The following KIAA1328 variants were observed in gnomAD, a reference collection of about 807,000 sequenced individuals.
KIAA1328 encodes protein hinderin.
A neutral mutation model predicts 68.1 loss-of-function variants in KIAA1328; 52 were observed. The observed-to-expected ratio is 0.76, with a 90% CI of 0.61 to 0.96. The LOEUF is 0.96. Ranked by LOEUF, KIAA1328 falls within the 40% of genes least tolerant of loss-of-function variation. The pLI is 0.00. For synonymous variants in KIAA1328, 232 were observed against 239.4 expected (o/e 0.97, Z 0.28); for missense variants, 641 against 677.6 (o/e 0.95, Z 0.60).
intron 7 of KIAA1328, among the ~76,000 whole-genome samples, chr18:37,100,080 G>A (rs930739632): frequency 6.6e-6 from 1 of 152,058 alleles, no homozygotes; most frequent in African/African-American, 2.4e-5. Context: ...CCAGTCTACA[G>A]CTCCCAGCAT....
At chr18:36,965,519 G>GCATGT (rs1556840857) in intron 6 of KIAA1328, among the ~76,000 whole-genome samples, 1 of 142,602 alleles carries the variant, frequency 7.0e-6, no homozygotes. Context: ...CAGGCGTGGT[G>GCATGT]GCCACCACGC....
At chr18:36,902,529 T>C (rs990147907) in intron 5 of KIAA1328, among the ~76,000 whole-genome samples, 2 of 152,140 alleles carry the variant, frequency 1.3e-5, no homozygotes, top group Admixed American at 6.6e-5. Context: ...GCTATGCCAC[T>C]GGTTTTCAAT....
intron 9 of KIAA1328, among the ~76,000 whole-genome samples, chr18:37,198,427 T>C (rs1403297692): frequency 1.3e-5 from 2 of 152,214 alleles, no homozygotes; most frequent in African/African-American, 4.8e-5. Context: ...ATAAGGACTA[T>C]AAAAAATCTA....
At position 37,092,333 on chromosome 18, in the gene KIAA1328, C is replaced by T. The variant is rs901487554; in HGVS notation, c.1232+24788C>T. Among the ~76,000 whole-genome samples the T allele has an allele frequency of 1.4e-4, 21 of 152,172 alleles. No individual in the cohort carries two copies. The South Asian group carries it at 4.4e-3, about 32-fold the overall frequency. On this transcript the variant is annotated intron_variant, in intron 7 of 9. Transcript: ENST00000280020. ...AGACCCACCCCATCTACCACCGTTG[C>T]CAGAGGCACTCTAGCATACCATTTG...
chr18:36,992,105 G>A (rs2053202184), intron 6 of KIAA1328, among the ~76,000 whole-genome samples: 1 of 152,082 alleles, frequency 6.6e-6, no homozygotes, highest in African/African-American at 2.4e-5. Flanking sequence ...TTTCTTTTTA[G>A]TAATTTGTCT....
chr18:37,198,260 T>C (rs2060040477), intron 9 of KIAA1328, among the ~76,000 whole-genome samples: 1 of 152,112 alleles, frequency 6.6e-6, no homozygotes, highest in African/African-American at 2.4e-5. Flanking sequence ...TAGATTATGG[T>C]GATAGTTGCA....
intron 6 of KIAA1328, among the ~76,000 whole-genome samples, chr18:36,960,819 A>T (rs9967169): frequency 2.0e-5 from 3 of 152,198 alleles, no homozygotes; most frequent in Non-Finnish European, 2.9e-5. Context: ...GGTCACCAAC[A>T]TCAAAGACCA....
intron 8 of KIAA1328, among the ~76,000 whole-genome samples, chr18:37,166,941 C>T (rs115491749): frequency 6.6e-6 from 1 of 152,296 alleles, no homozygotes; most frequent in African/African-American, 2.4e-5. Flanking sequence ...AACCTCCCAA[C>T]AAAACAAGCC....
chr18:37,173,010 T>A lies in KIAA1328; in HGVS notation c.1452T>A (p.Ser484=), dbSNP rs1342164309. ...VTGVRKDAST[S]PMPTGSLKDF... ...GAGTTAGAAAAGATGCGTCTACATC[T>A]CCTATGCCAACAGGAAGCCTAAAGG... is the stretch of plus-strand genomic sequence containing the variant. The change falls in exon 9 of 10, where the codon TCT becomes TCA. Residue 484 remains serine (S), a synonymous_variant. Transcript: ENST00000280020. The A allele has an allele frequency of 6.2e-7, 1 of 1,613,644 alleles. No homozygotes were observed. Among genetic ancestry groups the A allele is most frequent in the Admixed American group, 1.7e-5 (1 of 60,002 alleles).
chr18:36,860,657 T>G (rs770867050), intron 4 of KIAA1328, among the ~76,000 whole-genome samples: 1 of 152,212 alleles, frequency 6.6e-6, no homozygotes, highest in Non-Finnish European at 1.5e-5. Context: ...TACATGTATA[T>G]TTAAATTTTA....
chr18:37,188,767 A>G lies in KIAA1328; in HGVS notation c.1523+15686A>G, dbSNP rs16968620. Among the ~76,000 whole-genome samples the G allele has an allele frequency of 5.4e-3, 825 of 152,338 alleles. 8 individuals carry two copies. Among genetic ancestry groups the G allele is most frequent in the African/African-American group, 0.019 (792 of 41,578 alleles). ...AACAGCAAAATGTTTCTACTGCTGT[A>G]TCAATGTTAGGTCACATGGCATTGA... On this transcript the variant is annotated intron_variant, in intron 9 of 9. Coordinates refer to ENST00000280020, the MANE Select transcript of KIAA1328 (RefSeq NM_020776.3).
chr18:37,197,546 G>A (rs1011558089), intron 9 of KIAA1328, among the ~76,000 whole-genome samples: 1 of 152,122 alleles, frequency 6.6e-6, no homozygotes, highest in Admixed American at 6.5e-5. Flanking sequence ...GGAATGTTGT[G>A]TACTTTGGAA....
At chr18:36,978,142 G>A (rs1568243601) in intron 6 of KIAA1328, among the ~76,000 whole-genome samples, 1 of 152,166 alleles carries the variant, frequency 6.6e-6, no homozygotes, top group Non-Finnish European at 1.5e-5. Flanking sequence ...AAAAGCCCAT[G>A]CAATCTTATA....
chr18:37,054,999 A>C (rs1005270590), intron 6 of KIAA1328, among the ~76,000 whole-genome samples: 18 of 152,218 alleles, frequency 1.2e-4, no homozygotes, highest in Non-Finnish European at 2.2e-4. Flanking sequence ...AAATTCCATA[A>C]TTATTGACTT....
At chr18:37,016,451 G>T (rs990914575) in intron 6 of KIAA1328, among the ~76,000 whole-genome samples, 1 of 152,002 alleles carries the variant, frequency 6.6e-6, no homozygotes, top group Non-Finnish European at 1.5e-5. Context: ...CATTGTATCT[G>T]TATCAGATTC....
chr18:37,110,848 A>G (rs2057910778), intron 7 of KIAA1328, among the ~76,000 whole-genome samples: 2 of 152,352 alleles, frequency 1.3e-5, no homozygotes, highest in African/African-American at 4.8e-5. Context: ...TTGCAATTAC[A>G]TATGAAAGAG....
At chr18:36,845,351 T>A (rs1396466515) in intron 4 of KIAA1328, among the ~76,000 whole-genome samples, 1 of 151,750 alleles carries the variant, frequency 6.6e-6, no homozygotes, top group Non-Finnish European at 1.5e-5. Flanking sequence ...AAGGTGATGT[T>A]CTTGTGAGGC....
chr18:37,171,924 AAC>A (rs1415214510), intron 8 of KIAA1328, among the ~76,000 whole-genome samples: 2 of 152,184 alleles, frequency 1.3e-5, no homozygotes, highest in Non-Finnish European at 2.9e-5. Flanking sequence ...CAAACGAACA[AAC>A]AGAGTAGAGA....
intron 7 of KIAA1328, among the ~76,000 whole-genome samples, chr18:37,144,587 A>G (rs2058852218): frequency 6.6e-6 from 1 of 152,022 alleles, no homozygotes; most frequent in South Asian, 2.1e-4. Flanking sequence ...CCCAGAATGG[A>G]GTTCAGTGGT....
Sources: gnomAD v4.1 joint callset for allele counts (sites outside exome capture counted in the v4.1 genomes callset) on GRCh38, gnomAD v4.1.1 for gene constraint, MANE v1.5 for transcripts, NCBI Gene and HGNC (gene_info 2026-07-23, HGNC 2026-07-21) for gene names.